The following PHF24 variants were observed in gnomAD, a reference collection of about 807,000 sequenced individuals.
PHF24 encodes PHD finger protein 24.
Under a neutral mutation model 42.6 loss-of-function variants are expected in PHF24, and 25 were observed. The observed-to-expected ratio is 0.59, with a 90% CI of 0.43 to 0.82. PHF24 has a LOEUF of 0.82. PHF24 is among the 40% of genes least tolerant of loss of function. The pLI is 0.00. For synonymous variants in PHF24, 185 were observed against 204.8 expected (o/e 0.90, Z 0.83); for missense variants, 470 against 538.1 (o/e 0.87, Z 1.25).
chr9:34,729,587 T>C, the PHF24 span: 1 of 693,152 alleles, frequency 1.4e-6, no homozygotes, highest in South Asian at 2.6e-5. Context: ...TTTCATAAGG[T>C]ACATGTAGTA....
chr9:34,674,229 A>G, the PHF24 span, among the ~76,000 whole-genome samples: 1 of 152,238 alleles, frequency 6.6e-6, no homozygotes, highest in Non-Finnish European at 1.5e-5. Flanking sequence ...CCCAGTTTAT[A>G]ATGAGTGGAA....
chr9:34,666,589 A>G, the PHF24 span, among the ~76,000 whole-genome samples: 1 of 148,372 alleles, frequency 6.7e-6, no homozygotes, highest in African/African-American at 2.5e-5. Flanking sequence ...CATTCAATCA[A>G]CAAATATTTG....
the PHF24 span, among the ~76,000 whole-genome samples, chr9:34,879,705 A>T: frequency 6.6e-6 from 1 of 152,240 alleles, no homozygotes; most frequent in African/African-American, 2.4e-5. Flanking sequence ...CTATGTGAAA[A>T]GACCAAATCT....
chr9:34,818,694 T>A, the PHF24 span, among the ~76,000 whole-genome samples: 1 of 152,314 alleles, frequency 6.6e-6, no homozygotes, highest in Non-Finnish European at 1.5e-5. Context: ...GCACACTGGC[T>A]CATTTCTGTA....
the PHF24 span, among the ~76,000 whole-genome samples, chr9:34,952,144 G>T: frequency 1.3e-5 from 2 of 152,098 alleles, no homozygotes; most frequent in Admixed American, 1.3e-4. Flanking sequence ...AACACATTTT[G>T]TCTGCATGAA....
the PHF24 span, among the ~76,000 whole-genome samples, chr9:34,757,344 A>AG: frequency 6.6e-6 from 1 of 151,706 alleles, no homozygotes; most frequent in Non-Finnish European, 1.5e-5. Context: ...GTTCACATAT[A>AG]GAAATGCTAC....
the PHF24 span, chr9:34,726,606 C>T: frequency 6.4e-7 from 1 of 1,551,912 alleles, no homozygotes; most frequent in Non-Finnish European, 8.7e-7. Context: ...CGGAGCACAT[C>T]TGGCACTTGA....
chr9:34,682,604 A>T, the PHF24 span, among the ~76,000 whole-genome samples: 58 of 152,318 alleles, frequency 3.8e-4, no homozygotes, highest in African/African-American at 1.3e-3. Context: ...CATTGCCCAC[A>T]AAGTTAGCCC....
chr9:34,802,565 C>A, the PHF24 span, among the ~76,000 whole-genome samples: 1 of 152,218 alleles, frequency 6.6e-6, no homozygotes, highest in Non-Finnish European at 1.5e-5. Flanking sequence ...GCATCCTAAT[C>A]TAACCTGAAA....
At chr9:34,830,158 A>T in the PHF24 span, among the ~76,000 whole-genome samples, 1 of 152,114 alleles carries the variant, frequency 6.6e-6, no homozygotes, top group Non-Finnish European at 1.5e-5. Context: ...TCTAAACTTC[A>T]TTTTTCCCCA....
At chr9:34,766,840 T>C in the PHF24 span, among the ~76,000 whole-genome samples, 1 of 152,190 alleles carries the variant, frequency 6.6e-6, no homozygotes, top group Non-Finnish European at 1.5e-5. Context: ...TTTTATCTAC[T>C]TTTGGTCTTT....
the PHF24 span, among the ~76,000 whole-genome samples, chr9:34,671,577 A>G: frequency 6.6e-6 from 1 of 152,196 alleles, no homozygotes; most frequent in Non-Finnish European, 1.5e-5. Context: ...TGGGACTAGA[A>G]GAGAGCCTGT....
At chr9:34,837,674 G>A in the PHF24 span, 2 of 1,523,424 alleles carry the variant, frequency 1.3e-6, 1 homozygote, top group East Asian at 4.9e-5. Flanking sequence ...TGCATCTCTA[G>A]CTCTTTGCCT....
chr9:34,759,678 C>T, the PHF24 span, among the ~76,000 whole-genome samples: 1 of 152,198 alleles, frequency 6.6e-6, no homozygotes, highest in African/African-American at 2.4e-5. Flanking sequence ...AGCCTGACCT[C>T]TTGCCCCCAG....
At chr9:34,820,762 T>A in the PHF24 span, among the ~76,000 whole-genome samples, 2 of 152,208 alleles carry the variant, frequency 1.3e-5, no homozygotes, top group Non-Finnish European at 2.9e-5. Flanking sequence ...ATAACGGGAT[T>A]GCTGGGTTGA....
At chr9:34,773,993 T>C in the PHF24 span, among the ~76,000 whole-genome samples, 4 of 152,202 alleles carry the variant, frequency 2.6e-5, no homozygotes, top group South Asian at 2.1e-4. Context: ...TATTAGTATA[T>C]TGATGATAGC....
chr9:34,917,148 TG>T, the PHF24 span: 1 of 1,116,088 alleles, frequency 9.0e-7, no homozygotes, highest in Non-Finnish European at 1.4e-6. Context: ...CCGGCCCGTC[TG>T]CTCGGCACCC....
chr9:34,918,139 G>A, the PHF24 span: 262 of 1,537,076 alleles, frequency 1.7e-4, 1 homozygote, highest in Non-Finnish European at 2.3e-4. Flanking sequence ...CGTAGCGCCA[G>A]CATATGCATT....
chr9:34,709,786 G>A, the PHF24 span: 1 of 1,614,114 alleles, frequency 6.2e-7, no homozygotes, highest in Non-Finnish European at 8.5e-7. Context: ...CAGGATAGCT[G>A]GGATGGAGCA....
Sources: gnomAD v4.1 joint callset for allele counts (sites outside exome capture counted in the v4.1 genomes callset) on GRCh38, gnomAD v4.1.1 for gene constraint, MANE v1.5 for transcripts, NCBI Gene and HGNC (gene_info 2026-07-23, HGNC 2026-07-21) for gene names.